Variants in EP400 observed in about 807,000 individuals in gnomAD.
EP400 encodes E1A binding protein p400, also known as E1A-binding protein p400.
Under a neutral mutation model 354.1 loss-of-function variants are expected in EP400, and 105 were observed. The ratio of observed to expected loss-of-function variants is 0.30; its 90% confidence interval spans 0.25 to 0.35. The LOEUF (loss-of-function observed/expected upper bound fraction) is 0.35, where lower values mean the gene tolerates loss of function less well. EP400 is among the 10% of genes least tolerant of loss of function. EP400 has a pLI of 1.00. For synonymous variants in EP400, 1,646 were observed against 1,716.9 expected, an observed-to-expected ratio of 0.96 and a Z score of 1.02; for missense variants, 3,280 against 4,121.0, an observed-to-expected ratio of 0.80 and a Z score of 5.59.
chr12:131,996,441 G>A (rs1435153339), intron 12 of EP400, among the ~76,000 whole-genome samples: 3 of 151,652 alleles, frequency 2.0e-5, no homozygotes, highest in Non-Finnish European at 2.9e-5. Flanking sequence ...ACAGCCGCCC[G>A]CCACCACGCC....
rs1177439492 is a variant in EP400, at chr12:132,021,292, T to C, written c.4661T>C (p.Leu1554Pro). 6.6e-6 allele frequency: 10 copies of C among 1,526,054 alleles called. No individual in the cohort carries two copies. Among genetic ancestry groups the C allele is most frequent in the Non-Finnish European group, 8.7e-6 (10 of 1,142,978 alleles). 94.5% of individuals were successfully genotyped at this position (1,526,054 alleles called of 1,614,324 possible). A position where few individuals can be genotyped will look rare whatever the true frequency, so the allele number is the denominator to read the frequency against. The change falls in exon 23 of 53, where the codon CTC (leucine) becomes CCC (proline). Residue 1554 changes from leucine (L) to proline (P), a missense_variant. This residue lies in a region of EP400 where 342 missense variants were observed against 342.7 expected (regional missense o/e 1.00). Transcript: ENST00000389561. ...AGCGCGCTGCCTCAGAGGCTGGTGCTCCCCTCGCAGGCCCAGGCCCGCTTG... is the reference window on the plus strand; with the variant it reads ...AGCGCGCTGCCTCAGAGGCTGGTGCCCCCCTCGCAGGCCCAGGCCCGCTTG... The part of the protein sequence containing the change: ...GQSALPQRLV[L>P]PSQAQARLPS...
At position 132,066,659 on chromosome 12, in the gene EP400, A is replaced by ATC. The variant is rs2136614040; in HGVS notation, c.8554-115_8554-114insTC. 3 of 1,149,198 alleles carry ATC rather than the reference A, an allele frequency of 2.6e-6. No homozygotes were observed. In the East Asian group the frequency reaches 7.9e-5, roughly 30 times the overall value. The allele number at this position is 1,149,198 out of a possible 1,614,324, so 71.2% of individuals were successfully genotyped here. On this transcript the variant is annotated intron_variant, in intron 48 of 52. Transcript: ENST00000389561. ...TTTCCTTTCCTGTTGGGCCACTTTAAACTTTGTTGATCTTTGTAAATTTTC... is the reference window on the plus strand; with the variant it reads ...TTTCCTTTCCTGTTGGGCCACTTTAATCACTTTGTTGATCTTTGTAAATTTTC...
intron 2 of EP400, among the ~76,000 whole-genome samples, chr12:131,969,766 T>A (rs963607437): frequency 1.3e-5 from 2 of 152,206 alleles, no homozygotes; most frequent in African/African-American, 4.8e-5. Flanking sequence ...AAGATAACTC[T>A]TGGTCGGGCA....
At chr12:131,973,584 A>C (rs889421351) in intron 2 of EP400, among the ~76,000 whole-genome samples, 1 of 152,208 alleles carries the variant, frequency 6.6e-6, no homozygotes, top group Non-Finnish European at 1.5e-5. Context: ...CAGAGGCTAC[A>C]GTGAGCCAAG....
At chr12:131,969,624 GTA>G (rs373192668) in intron 2 of EP400, among the ~76,000 whole-genome samples, 3 of 150,260 alleles carry the variant, frequency 2.0e-5, no homozygotes, top group Non-Finnish European at 4.4e-5. Context: ...AGTGCACCTT[GTA>G]TATATATATA....
At chr12:132,032,575 A>G (rs1200414091) in intron 30 of EP400, among the ~76,000 whole-genome samples, 1 of 151,902 alleles carries the variant, frequency 6.6e-6, no homozygotes, top group Non-Finnish European at 1.5e-5. Context: ...TAAAATGGCT[A>G]TTGAAAGAAT....
intron 22 of EP400, among the ~76,000 whole-genome samples, chr12:132,020,471 A>G (rs1894088649): frequency 6.6e-6 from 1 of 152,228 alleles, no homozygotes; most frequent in East Asian, 1.9e-4. Flanking sequence ...GCTCACAGCC[A>G]CTGGGCAGGC....
intron 5 of EP400, among the ~76,000 whole-genome samples, chr12:131,984,187 C>T (rs74964014): frequency 0.017 from 2,532 of 152,222 alleles, 72 homozygotes; most frequent in African/African-American, 0.058. Context: ...CGTGAGTCAC[C>T]GCACCCGGCC....
chr12:132,055,745 T>C (rs1224675451), intron 45 of EP400, among the ~76,000 whole-genome samples: 1 of 146,044 alleles, frequency 6.8e-6, no homozygotes, highest in African/African-American at 2.6e-5. Flanking sequence ...GTGTGAAGTG[T>C]AGGAGGGTAT....
chr12:132,041,722 G>A (rs974337783), intron 32 of EP400, among the ~76,000 whole-genome samples: 1 of 152,194 alleles, frequency 6.6e-6, no homozygotes, highest in Non-Finnish European at 1.5e-5. Flanking sequence ...CTCCTGCCAT[G>A]GGGTTGTTCT....
chr12:132,064,542 TGCACGGTA>T (rs1391231301), intron 47 of EP400, 118 bp from the exon 48 acceptor site: 98 of 1,309,950 alleles, frequency 7.5e-5, no homozygotes, highest in Non-Finnish European at 9.6e-5. Flanking sequence ...GTCTGGATGC[TGCACGGTA>T]GCAGGTGTCT....
Position 132,062,370 on chromosome 12 carries a change from C to T in EP400, c.8098+47C>T, listed in dbSNP as rs201849116. 125 of 1,611,208 alleles carry T rather than the reference C, an allele frequency of 7.8e-5. No individual in the cohort carries two copies. In the East Asian group the frequency reaches 2.0e-3, roughly 26 times the overall value. On this transcript the variant is annotated intron_variant, in intron 46 of 52. Coordinates refer to ENST00000389561, the MANE Select transcript of EP400 (RefSeq NM_015409.5). ...TCTCTGCCACACGTCTGCTCTGGCG[C>T]GTGTGAGGGCTCAGCTGCTGCTTGC...
rs1895335861 is a variant in EP400, at chr12:132,052,627, TG to T, written c.7395-516del. Among the ~76,000 whole-genome samples the T allele has an allele frequency of 6.6e-6, 1 of 152,240 alleles. No homozygotes were observed. Among genetic ancestry groups the T allele is most frequent in the South Asian group, 2.1e-4 (1 of 4,832 alleles). On this transcript the variant is annotated intron_variant, in intron 41 of 52. Coordinates refer to ENST00000389561, the MANE Select transcript of EP400 (RefSeq NM_015409.5). The surrounding 1 kb of genome is among the most constrained non-coding windows in gnomAD (Gnocchi z 4.4). ...CTGTGATCGCTGGGACTCTAGCGTCTGGGAGCACAGACCCATCATTTGATTG... is the reference window on the plus strand; with the variant it reads ...CTGTGATCGCTGGGACTCTAGCGTCTGGAGCACAGACCCATCATTTGATTG...
At position 132,077,907 on chromosome 12, in the gene EP400, G is replaced by A; in HGVS notation, c.*234G>A. 1.8e-6 allele frequency: 1 copy of A among 569,828 alleles called. No individual in the cohort carries two copies. Among genetic ancestry groups the A allele is most frequent in the Non-Finnish European group, 3.0e-6 (1 of 330,644 alleles). 35.3% of individuals were successfully genotyped at this position (569,828 alleles called of 1,614,324 possible). ...TGGCTCATGGAAAAAGTGACAACAT[G>A]GCTTCCTCTAAATCATTTCACCTTT... On this transcript the variant is annotated 3_prime_UTR_variant, in exon 53 of 53. Coordinates refer to ENST00000389561, the MANE Select transcript of EP400 (RefSeq NM_015409.5).
At chr12:132,000,568 A>T (rs1379748415) in intron 12 of EP400, among the ~76,000 whole-genome samples, 1 of 152,234 alleles carries the variant, frequency 6.6e-6, no homozygotes, top group East Asian at 1.9e-4. Context: ...ATGTTCCATT[A>T]TGATAATGAG....
chr12:131,992,283 G>A (rs961038796), intron 11 of EP400, 53 bp downstream of exon 11: 58 of 1,533,932 alleles, frequency 3.8e-5, no homozygotes, highest in Non-Finnish European at 5.0e-5. Flanking sequence ...CTGATGAGAT[G>A]ACACAGAGCT....
chr12:131,976,323 T>TACAATGCACAA (rs1892470880), intron 2 of EP400, among the ~76,000 whole-genome samples: 4 of 152,184 alleles, frequency 2.6e-5, no homozygotes, highest in Admixed American at 1.3e-4. Context: ...TGAATTGGAT[T>TACAATGCACAA]TTGTACAATT....
rs1000719496 is a variant in EP400 at position 132,025,062 on chromosome 12, T to C, written c.4856-584T>C. On this transcript the variant is annotated intron_variant, in intron 24 of 52. Coordinates refer to ENST00000389561, the MANE Select transcript of EP400 (RefSeq NM_015409.5). This position sits in a 1 kb window ranked among gnomAD's most constrained non-coding sequence, Gnocchi z 4.1. ...GTCTGGTTTACTTCCTTTTTTTTTTTCTTAAAACAAAACAAAACAAAACAA... is the reference window on the plus strand; with the variant it reads ...GTCTGGTTTACTTCCTTTTTTTTTTCCTTAAAACAAAACAAAACAAAACAA... Among the ~76,000 whole-genome samples the C allele has an allele frequency of 2.0e-5, 3 of 151,856 alleles. No homozygotes were observed. Among genetic ancestry groups the C allele is most frequent in the Non-Finnish European group, 4.4e-5 (3 of 67,970 alleles).
intron 24 of EP400, among the ~76,000 whole-genome samples, chr12:132,024,840 CCACCTTCCCT>C (rs1894247998): frequency 1.3e-5 from 2 of 151,676 alleles, no homozygotes; most frequent in Non-Finnish European, 1.5e-5. Context: ...GCACCTTCCC[CCACCTTCCCT>C]CACCTTCCTT....
Sources: allele counts gnomAD v4.1 joint callset (sites outside exome capture counted in the v4.1 genomes callset), GRCh38; gene constraint gnomAD v4.1.1; regional missense constraint gnomAD v4.1.1; non-coding constraint Gnocchi (gnomAD v3.1); transcripts MANE v1.5; gene names NCBI Gene and HGNC (gene_info 2026-07-23, HGNC 2026-07-21).